Variants in CLVS1 observed in about 807,000 individuals in gnomAD.
CLVS1 encodes clavesin 1.
CLVS1 carries 10 observed loss-of-function variants against 33.1 expected under a neutral mutation model. The ratio of observed to expected loss-of-function variants is 0.30; its 90% CI spans 0.19 to 0.51. The LOEUF (loss-of-function observed/expected upper bound fraction) is 0.51. Ranked by LOEUF, CLVS1 falls within the 20% of genes least tolerant of loss-of-function variation. The pLI is 0.97. For missense variants in CLVS1, 343 were observed against 433.4 expected (o/e 0.79, Z 1.85); for synonymous variants, 163 against 166.1 (o/e 0.98, Z 0.14).
At chr8:61,449,160 C>A (rs1428672092) in intron 3 of CLVS1, among the ~76,000 whole-genome samples, 1 of 152,166 alleles carries the variant, frequency 6.6e-6, no homozygotes, top group Non-Finnish European at 1.5e-5. Flanking sequence ...GGGAGGGCCT[C>A]CTCATTACTG....
intron 3 of CLVS1, among the ~76,000 whole-genome samples, chr8:61,440,295 G>A (rs766357270): frequency 5.3e-4 from 81 of 152,292 alleles, no homozygotes; most frequent in Admixed American, 1.7e-3. Flanking sequence ...ACATATAAAA[G>A]TGCTTAGCAC....
the CLVS1 span, among the ~76,000 whole-genome samples, chr8:61,011,217 G>C: frequency 6.6e-6 from 1 of 152,218 alleles, no homozygotes; most frequent in Non-Finnish European, 1.5e-5. Context: ...AGTGAGCTAT[G>C]ATTGTGCCAC....
chr8:61,267,876 C>T (rs1809343865), intron 2 of CLVS1, among the ~76,000 whole-genome samples: 1 of 152,126 alleles, frequency 6.6e-6, no homozygotes, highest in Non-Finnish European at 1.5e-5. Flanking sequence ...GAAAATTCAG[C>T]TCACTGCTAT....
intron 2 of CLVS1, among the ~76,000 whole-genome samples, chr8:61,332,152 G>A (rs1057305088): frequency 6.6e-6 from 1 of 152,218 alleles, no homozygotes; most frequent in African/African-American, 2.4e-5. Context: ...CCAGCTTTCT[G>A]GGGGCTGAGT....
At chr8:61,191,160 C>T (rs1371560428) in intron 2 of CLVS1, among the ~76,000 whole-genome samples, 1 of 152,198 alleles carries the variant, frequency 6.6e-6, no homozygotes, top group Admixed American at 6.5e-5. Flanking sequence ...AGCAATACAT[C>T]AAAAAGCTTA....
At chr8:61,294,583 C>G (rs926569670) in intron 1 of CLVS1, among the ~76,000 whole-genome samples, 2 of 152,090 alleles carry the variant, frequency 1.3e-5, no homozygotes, top group Non-Finnish European at 2.9e-5. Flanking sequence ...CTCAGCACTT[C>G]CCAGGGAATT....
At chr8:61,200,947 G>T (rs13278769) in intron 2 of CLVS1, among the ~76,000 whole-genome samples, 53,386 of 151,856 alleles carry the variant, frequency 0.35, 11,765 homozygotes, top group Middle Eastern at 0.58. Context: ...TATGATTTTG[G>T]GGTTGGAAAA....
chr8:61,174,045 T>G (rs1489966757), intron 2 of CLVS1, among the ~76,000 whole-genome samples: 1 of 152,206 alleles, frequency 6.6e-6, no homozygotes, highest in Non-Finnish European at 1.5e-5. Context: ...TCTAGTCCTG[T>G]CTGACAAATA....
intron 4 of CLVS1, among the ~76,000 whole-genome samples, chr8:61,456,273 A>C (rs1817152963): frequency 6.6e-6 from 1 of 152,196 alleles, no homozygotes; most frequent in Non-Finnish European, 1.5e-5. Flanking sequence ...GTCTTTCAAA[A>C]ACTGGACATG....
chr8:61,122,710 G>A (rs1805899471), intron 1 of CLVS1, among the ~76,000 whole-genome samples: 1 of 152,118 alleles, frequency 6.6e-6, no homozygotes, highest in Non-Finnish European at 1.5e-5. Flanking sequence ...ATTAACACCA[G>A]AGGAGGCTGC....
chr8:61,221,694 T>G (rs1464086296), intron 2 of CLVS1, among the ~76,000 whole-genome samples: 1 of 152,152 alleles, frequency 6.6e-6, no homozygotes, highest in Non-Finnish European at 1.5e-5. Context: ...TGATGCTGGC[T>G]TCATAAAATG....
intron 1 of CLVS1, 111 bp downstream of exon 1, chr8:61,288,249 C>T (rs1234548979): frequency 4.4e-6 from 2 of 456,380 alleles, no homozygotes; most frequent in Non-Finnish European, 4.4e-6. Context: ...GTGGACAGCT[C>T]CCATCTGCAA....
chr8:61,258,914 A>G (rs1809141828), intron 2 of CLVS1, among the ~76,000 whole-genome samples: 1 of 152,244 alleles, frequency 6.6e-6, no homozygotes, highest in South Asian at 2.1e-4. Flanking sequence ...CCAAAGGTAT[A>G]GAGTAAACAG....
At position 61,149,365 on chromosome 8, in the gene CLVS1, A is replaced by G. The variant is rs1460267061; in HGVS notation, c.-152+17505A>G. 2.6e-5 allele frequency among the ~76,000 whole-genome samples: 4 copies of G among 152,150 alleles called. No homozygotes were observed. In the East Asian group the frequency reaches 7.7e-4, roughly 29 times the overall value. On this transcript the variant is annotated intron_variant, in intron 2 of 2. Coordinates refer to the CLVS1 transcript ENST00000522621. The stretch of plus-strand genomic sequence containing the variant: ...TCAGGGGTTTGAGACCAGCCTGGCC[A>G]ACATGGCAAAACCCCATCTCTACTA...
intron 2 of CLVS1, among the ~76,000 whole-genome samples, chr8:61,370,041 T>TGGGATGCAAAA (rs1813368931): frequency 6.6e-6 from 1 of 152,198 alleles, no homozygotes; most frequent in Non-Finnish European, 1.5e-5. Flanking sequence ...TGCAATGTTT[T>TGGGATGCAAAA]GCACCTATAA....
At chr8:61,156,045 C>T (rs1465669004) in intron 2 of CLVS1, among the ~76,000 whole-genome samples, 1 of 152,108 alleles carries the variant, frequency 6.6e-6, no homozygotes, top group South Asian at 2.1e-4. Flanking sequence ...GAAACTCTGT[C>T]TCTACTAAAA....
intron 1 of CLVS1, among the ~76,000 whole-genome samples, chr8:61,072,896 G>C (rs189817799): frequency 5.5e-4 from 84 of 152,318 alleles, no homozygotes; most frequent in Admixed American, 1.8e-3. Context: ...GGAATAATAA[G>C]TTCCAAGTGA....
rs190676563 is a variant in CLVS1, at chr8:61,163,252, T to C, written c.-152+31392T>C. 3.3e-4 allele frequency among the ~76,000 whole-genome samples: 51 copies of C among 152,314 alleles called. 1 individual carries two copies. The highest frequency in any genetic ancestry group is 1.6e-3 in the Admixed American group (25 of 15,298). ...TCTTTAGTCTATTTCCGGGAGTGAA[T>C]TTTTGGGTATCATGGGAGCTGCCTC... On this transcript the variant is annotated intron_variant, in intron 2 of 2. Transcript: ENST00000522621.
chr8:61,475,735 A>G (rs1227418038), intron 5 of CLVS1, among the ~76,000 whole-genome samples: 1 of 152,162 alleles, frequency 6.6e-6, no homozygotes, highest in Non-Finnish European at 1.5e-5. Flanking sequence ...CTTTTCTCCC[A>G]TTCTGTAGGT....
Sources: gnomAD v4.1 joint callset for allele counts (sites outside exome capture counted in the v4.1 genomes callset) on GRCh38, gnomAD v4.1.1 for gene constraint, MANE v1.5 for transcripts, NCBI Gene and HGNC (gene_info 2026-07-23, HGNC 2026-07-21) for gene names.